ADCY2: variants seen among roughly 807,000 people sequenced by gnomAD.
ADCY2 encodes adenylate cyclase type 2.
ADCY2 carries 31 observed loss-of-function variants against 125.2 expected under a neutral mutation model. The observed-to-expected ratio is 0.25, with a 90% CI of 0.19 to 0.33. The LOEUF is 0.33. Ranked by LOEUF, ADCY2 falls within the 10% of genes least tolerant of loss-of-function variation. ADCY2 has a pLI of 1.00. For synonymous variants in ADCY2, 512 were observed against 548.4 expected (o/e 0.93, Z 0.93); for missense variants, 904 against 1,418.2 (o/e 0.64, Z 5.82).
At chr5:7,611,006 A>G (rs765767785) in intron 3 of ADCY2, 4 of 152,188 alleles carry the variant, frequency 2.6e-5, no homozygotes, top group Non-Finnish European at 5.9e-5. Flanking sequence ...TGATTGCTAT[A>G]GAAATCCTTG....
At chr5:7,415,578 G>T (rs893694463) in intron 2 of ADCY2, among the ~76,000 whole-genome samples, 2 of 152,042 alleles carry the variant, frequency 1.3e-5, no homozygotes, top group African/African-American at 2.4e-5. Context: ...CCTACTTAAA[G>T]ACCCTTCCTA....
In ADCY2 at chr5:7,816,859, T is replaced by C; in HGVS notation, c.2884-7T>C. 18 of 1,613,028 alleles carry C rather than the reference T, an allele frequency of 1.1e-5. No homozygotes were observed. Among genetic ancestry groups the C allele is most frequent in the Non-Finnish European group, 1.4e-5 (16 of 1,178,978 alleles). ...ACTTCCATCTGCCTGTGTGTGTTTG[T>C]TCTCAGGAGCCCGAGCGGCAGTACA... On this transcript the variant is annotated splice_region_variant and splice_polypyrimidine_tract_variant and intron_variant, in intron 22 of 24. Transcript: ENST00000338316.
chr5:7,409,712 C>T (rs979589239), intron 1 of ADCY2, among the ~76,000 whole-genome samples: 1 of 152,170 alleles, frequency 6.6e-6, no homozygotes, highest in East Asian at 1.9e-4. Context: ...CCTTTAACAT[C>T]TTTTCTTGTT....
At chr5:7,452,365 C>T (rs1741506967) in intron 2 of ADCY2, among the ~76,000 whole-genome samples, 1 of 152,136 alleles carries the variant, frequency 6.6e-6, no homozygotes, top group South Asian at 2.1e-4. Context: ...TTTGGTTTTC[C>T]ATTCTTAAGT....
intron 3 of ADCY2, among the ~76,000 whole-genome samples, chr5:7,615,554 C>T (rs933508159): frequency 5.9e-5 from 9 of 152,152 alleles, no homozygotes; most frequent in African/African-American, 1.9e-4. Context: ...GCAAGTTCAT[C>T]ATAGTTTTAA....
intron 4 of ADCY2, among the ~76,000 whole-genome samples, chr5:7,685,772 G>A (rs1285915718): frequency 6.6e-6 from 1 of 152,148 alleles, no homozygotes; most frequent in East Asian, 1.9e-4. Context: ...ATAGGAGCTG[G>A]GGGAGGTGCA....
chr5:7,788,962 G>A (rs1440539787), intron 19 of ADCY2, among the ~76,000 whole-genome samples: 1 of 152,036 alleles, frequency 6.6e-6, no homozygotes, highest in African/African-American at 2.4e-5. Context: ...TCAGTAATTG[G>A]GCCTCTCCAT....
intron 7 of ADCY2, among the ~76,000 whole-genome samples, chr5:7,701,379 A>C (rs527637380): frequency 1.3e-5 from 2 of 152,310 alleles, no homozygotes; most frequent in African/African-American, 4.8e-5. Flanking sequence ...TTTCGGAGAA[A>C]GAATCCTTAC....
chr5:7,817,052 T>A (rs977064547), intron 23 of ADCY2, 72 bp downstream of exon 23: 1 of 1,142,874 alleles, frequency 8.7e-7, no homozygotes, highest in Non-Finnish European at 1.3e-6. Context: ...TCAGGAGATA[T>A]TGATGATCCT....
At chr5:7,631,240 C>A (rs1738300157) in intron 4 of ADCY2, among the ~76,000 whole-genome samples, 2 of 152,200 alleles carry the variant, frequency 1.3e-5, no homozygotes, top group African/African-American at 4.8e-5. Flanking sequence ...AATTTAATCA[C>A]ATCCACAAAA....
At chr5:7,759,427 A>C (rs1743122021) in intron 16 of ADCY2, among the ~76,000 whole-genome samples, 1 of 152,202 alleles carries the variant, frequency 6.6e-6, no homozygotes, top group African/African-American at 2.4e-5. Context: ...AGGCAAGTCC[A>C]TGCAGGCCAC....
chr5:7,807,872 A>G (rs1744802680), intron 22 of ADCY2, among the ~76,000 whole-genome samples: 1 of 152,142 alleles, frequency 6.6e-6, no homozygotes, highest in Non-Finnish European at 1.5e-5. Context: ...GCTTTTGTGC[A>G]GACCAACCTG....
rs543221198 is a variant in ADCY2 at position 7,519,315 on chromosome 5, A to G, written c.409-1423A>G. On this transcript the variant is annotated intron_variant, in intron 2 of 24. Coordinates refer to ENST00000338316, the MANE Select transcript of ADCY2 (RefSeq NM_020546.3). ...GCCCACATTCTTCTCAGGAGCTCAC[A>G]TCCATACTTGGTACCAGAAGCGCTG... Among the ~76,000 whole-genome samples, 4 of 152,262 alleles carry G rather than the reference A, an allele frequency of 2.6e-5. No homozygotes were observed. The South Asian group carries it at 8.3e-4, about 32-fold the overall frequency.
chr5:7,796,245 C>T (rs931481375), intron 20 of ADCY2: 6 of 152,196 alleles, frequency 3.9e-5, no homozygotes, highest in African/African-American at 1.4e-4. Flanking sequence ...ACTGACAGGT[C>T]AGGACTCTGG....
chr5:7,473,226 A>G (rs1032738849), intron 2 of ADCY2, among the ~76,000 whole-genome samples: 2 of 152,158 alleles, frequency 1.3e-5, no homozygotes, highest in African/African-American at 4.8e-5. Context: ...ACATAAGTTT[A>G]TTTGGCTTAC....
intron 4 of ADCY2, among the ~76,000 whole-genome samples, chr5:7,647,108 T>C (rs1451279636): frequency 6.6e-6 from 1 of 152,222 alleles, no homozygotes; most frequent in Non-Finnish European, 1.5e-5. Context: ...GACTCTTTCC[T>C]TGTCCTTCTT....
chr5:7,487,696 A>G (rs1042715978), intron 2 of ADCY2, among the ~76,000 whole-genome samples: 2 of 152,186 alleles, frequency 1.3e-5, no homozygotes, highest in African/African-American at 2.4e-5. Flanking sequence ...CATTTTCCCA[A>G]TGAGACATTT....
intron 4 of ADCY2, among the ~76,000 whole-genome samples, chr5:7,664,688 G>A (rs1318684818): frequency 3.9e-5 from 6 of 152,144 alleles, no homozygotes; most frequent in Admixed American, 3.9e-4. Flanking sequence ...AAAGTCTCTT[G>A]TGGGAAAAAT....
intron 15 of ADCY2, among the ~76,000 whole-genome samples, chr5:7,753,920 A>G (rs1441712979): frequency 3.9e-5 from 6 of 152,206 alleles, no homozygotes; most frequent in Non-Finnish European, 8.8e-5. Flanking sequence ...CTTGGTGACA[A>G]GGAAAGATAC....
Sources: gnomAD v4.1 joint callset for allele counts (sites outside exome capture counted in the v4.1 genomes callset) on GRCh38, gnomAD v4.1.1 for gene constraint, MANE v1.5 for transcripts, NCBI Gene and HGNC (gene_info 2026-07-23, HGNC 2026-07-21) for gene names.